Variants in UNC13C observed in about 807,000 individuals in gnomAD.
The protein encoded by UNC13C is protein unc-13 homolog C.
UNC13C carries 174 observed loss-of-function variants against 245.4 expected under a neutral mutation model. The observed-to-expected ratio is 0.71, with a 90% CI of 0.63 to 0.80. UNC13C has a LOEUF of 0.80. UNC13C is among the 30% of genes least tolerant of loss of function. The pLI, the probability that UNC13C is intolerant of heterozygous loss-of-function variation, is 0.00. For missense variants in UNC13C, 2,829 were observed against 2,602.9 expected (o/e 1.09, Z -1.89); for synonymous variants, 992 against 895.1 (o/e 1.11, Z -1.93).
At chr15:54,166,658 A>G (rs998121247) in intron 4 of UNC13C, among the ~76,000 whole-genome samples, 1 of 152,294 alleles carries the variant, frequency 6.6e-6, no homozygotes, top group African/African-American at 2.4e-5. Context: ...TGTTAGTAAA[A>G]TAGGTTTCAA....
rs193003309 is a variant in UNC13C, at chr15:54,230,632, G to A, written c.3072-4398G>A. Among the ~76,000 whole-genome samples, 196 of 152,034 alleles carry A rather than the reference G, an allele frequency of 1.3e-3. 2 individuals are homozygous for A. The highest frequency in any genetic ancestry group is 2.6e-3 in the Admixed American group (39 of 15,256). ...GAGTCAAGGCACATAGCAATATACTGTACATCTCAGATTTTATTAAATTCA... is the reference window on the plus strand; with the variant it reads ...GAGTCAAGGCACATAGCAATATACTATACATCTCAGATTTTATTAAATTCA... On this transcript the variant is annotated intron_variant, in intron 4 of 32. Transcript: ENST00000260323.
intron 1 of UNC13C, among the ~76,000 whole-genome samples, chr15:53,997,258 A>C (rs115573839): frequency 6.6e-6 from 1 of 151,820 alleles, no homozygotes; most frequent in Non-Finnish European, 1.5e-5. Context: ...TTTTGTTTAT[A>C]TTGTATTTTT....
chr15:54,179,832 A>G (rs1035586962), intron 4 of UNC13C, among the ~76,000 whole-genome samples: 3 of 152,118 alleles, frequency 2.0e-5, no homozygotes, highest in Admixed American at 1.3e-4. Flanking sequence ...AATGATCACA[A>G]CAAAGATCAC....
chr15:53,952,217 G>A, the UNC13C span, among the ~76,000 whole-genome samples: 1 of 152,164 alleles, frequency 6.6e-6, no homozygotes, highest in African/African-American at 2.4e-5. Flanking sequence ...CCCTAAAGGT[G>A]TGCTGATCTG....
chr15:53,988,119 C>T (rs1369641447), intron 1 of UNC13C, among the ~76,000 whole-genome samples: 2 of 152,074 alleles, frequency 1.3e-5, no homozygotes, highest in East Asian at 1.9e-4. Flanking sequence ...TTTCACTAGC[C>T]TGTGAGTTCC....
chr15:54,492,873 C>G (rs530634050), intron 19 of UNC13C, among the ~76,000 whole-genome samples: 3 of 152,260 alleles, frequency 2.0e-5, no homozygotes, highest in African/African-American at 7.2e-5. Flanking sequence ...TTCTAGGACA[C>G]AGGAGGAAAA....
At chr15:54,368,049 G>A (rs1319506895) in intron 17 of UNC13C, among the ~76,000 whole-genome samples, 3 of 152,094 alleles carry the variant, frequency 2.0e-5, no homozygotes, top group African/African-American at 7.2e-5. Flanking sequence ...GACTTTCAGG[G>A]TAATGCAAGT....
intron 2 of UNC13C, among the ~76,000 whole-genome samples, chr15:54,135,914 C>T (rs2031705518): frequency 6.6e-6 from 1 of 151,958 alleles, no homozygotes; most frequent in Non-Finnish European, 1.5e-5. Flanking sequence ...GTAGAGATTC[C>T]TTTGAATCTG....
chr15:54,622,343 T>G lies in UNC13C; in HGVS notation c.6123T>G (p.Asp2041Glu). 6.2e-7 allele frequency: 1 copy of G among 1,613,264 alleles called. No homozygotes were observed. Among genetic ancestry groups the G allele is most frequent in the Non-Finnish European group, 8.5e-7 (1 of 1,179,412 alleles). Reference protein sequence around the residue: ...TQTSQSRSSKDAVGQISVHVD... With the variant: ...TQTSQSRSSKEAVGQISVHVD... ...TATTTTCAGGTCGTTCCTCCAAAGA[T>G]GCCGTGGGTCAGATATCTGTTCATG... The change falls in exon 31 of 33, where the codon GAT becomes GAG. Residue 2041 changes from aspartate to glutamate, a missense_variant. Coordinates refer to ENST00000260323, the MANE Select transcript of UNC13C (RefSeq NM_001080534.3).
the UNC13C span, among the ~76,000 whole-genome samples, chr15:53,900,822 A>T: frequency 6.6e-6 from 1 of 152,194 alleles, no homozygotes; most frequent in African/African-American, 2.4e-5. Context: ...GACTCATAAA[A>T]TGTACTATGT....
chr15:54,133,800 A>C (rs754883776), intron 2 of UNC13C, among the ~76,000 whole-genome samples: 1 of 152,330 alleles, frequency 6.6e-6, no homozygotes, highest in South Asian at 2.1e-4. Context: ...ATCTGTATAT[A>C]CATATATGAT....
intron 1 of UNC13C, among the ~76,000 whole-genome samples, chr15:53,979,176 G>A (rs1197751917): frequency 6.6e-6 from 1 of 152,144 alleles, no homozygotes; most frequent in African/African-American, 2.4e-5. Flanking sequence ...TTAGTTTCCA[G>A]TCAACTTTCA....
chr15:54,090,616 C>A (rs577133090), intron 2 of UNC13C, among the ~76,000 whole-genome samples: 4 of 152,240 alleles, frequency 2.6e-5, no homozygotes, highest in African/African-American at 7.2e-5. Flanking sequence ...AGCCAATCAC[C>A]AGGAAGTTAT....
chr15:53,891,290 G>A, the UNC13C span, among the ~76,000 whole-genome samples: 3 of 152,098 alleles, frequency 2.0e-5, no homozygotes, highest in African/African-American at 7.2e-5. Context: ...CCATTATGTG[G>A]TCAATTTTAG....
At chr15:53,839,583 T>C in the UNC13C span, among the ~76,000 whole-genome samples, 2 of 152,232 alleles carry the variant, frequency 1.3e-5, no homozygotes, top group East Asian at 3.9e-4. Context: ...TTGACTTCTA[T>C]AAACAGTATA....
At chr15:53,840,305 T>G in the UNC13C span, among the ~76,000 whole-genome samples, 2 of 152,164 alleles carry the variant, frequency 1.3e-5, no homozygotes, top group Admixed American at 1.3e-4. Flanking sequence ...TCTAAATGTC[T>G]AATAATTACC....
chr15:54,153,191 A>G (rs1469018101), intron 4 of UNC13C, among the ~76,000 whole-genome samples: 2 of 151,202 alleles, frequency 1.3e-5, no homozygotes, highest in Non-Finnish European at 3.0e-5. Flanking sequence ...GACAAAATCT[A>G]TCTAAGACTA....
chr15:54,384,402 C>G (rs1460315528), intron 17 of UNC13C, among the ~76,000 whole-genome samples: 1 of 152,020 alleles, frequency 6.6e-6, no homozygotes, highest in African/African-American at 2.4e-5. Context: ...GGAACATACA[C>G]TGGGGAAAGC....
intron 4 of UNC13C, among the ~76,000 whole-genome samples, chr15:54,155,269 C>A (rs2032693390): frequency 6.6e-6 from 1 of 152,116 alleles, no homozygotes; most frequent in African/African-American, 2.4e-5. Context: ...CATCATCCAG[C>A]TGGCCAAACC....
Sources: gnomAD v4.1 joint callset for allele counts (sites outside exome capture counted in the v4.1 genomes callset) on GRCh38, gnomAD v4.1.1 for gene constraint, MANE v1.5 for transcripts, NCBI Gene and HGNC (gene_info 2026-07-23, HGNC 2026-07-21) for gene names.